Variants in ADGRL3 observed in about 807,000 individuals in gnomAD.
ADGRL3 encodes the protein adhesion G protein-coupled receptor L3, also known as calcium-independent alpha-latrotoxin receptor 3.
ADGRL3 carries 62 observed loss-of-function variants against 153.5 expected under a neutral mutation model. The observed-to-expected ratio is 0.40, with a 90% CI of 0.33 to 0.50. ADGRL3 has a LOEUF of 0.50. ADGRL3 is among the 20% of genes least tolerant of loss of function. ADGRL3 has a pLI of 0.47. For missense variants in ADGRL3, 1,641 were observed against 1,859.4 expected (o/e 0.88, Z 2.16); for synonymous variants, 710 against 672.5 (o/e 1.06, Z -0.86).
In ADGRL3 at chr4:62,074,003, T is replaced by G. The variant is rs1326102350; in HGVS notation, c.*3095T>G. 2 of 152,176 alleles carry G rather than the reference T, an allele frequency of 1.3e-5. No homozygotes were observed. Among genetic ancestry groups the G allele is most frequent in the African/African-American group, 4.8e-5 (2 of 41,460 alleles). 9.4% of individuals were successfully genotyped at this position (152,176 alleles called of 1,614,324 possible). On this transcript the variant is annotated 3_prime_UTR_variant, in exon 27 of 27. Transcript: ENST00000683033. ...CATATTCATTTTGTCCTGTTTACAC[T>G]AGCAAGGGTTGAATTCCTGAACTTG...
At position 61,984,602 on chromosome 4, in the gene ADGRL3, A is replaced by G. The variant is rs2099079298; in HGVS notation, c.3236+999A>G. On this transcript the variant is annotated intron_variant, in intron 19 of 26. Transcript: ENST00000683033. ...AACAAAACTAAAACAAAAAACCACC[A>G]TCAGTGGTGTTTTATGTCAAAATTA... Among the ~76,000 whole-genome samples, 4 of 152,286 alleles carry G rather than the reference A, an allele frequency of 2.6e-5. No individual in the cohort carries two copies. In the Middle Eastern group the frequency reaches 0.014, roughly 518 times the overall value.
intron 4 of ADGRL3, among the ~76,000 whole-genome samples, chr4:61,562,821 G>A (rs1243100140): frequency 6.6e-6 from 1 of 151,450 alleles, no homozygotes; most frequent in African/African-American, 2.4e-5. Flanking sequence ...AATCATGAAT[G>A]TTCTTAATGG....
chr4:61,762,327 A>T (rs1580698245), intron 8 of ADGRL3, among the ~76,000 whole-genome samples: 1 of 152,284 alleles, frequency 6.6e-6, no homozygotes, highest in East Asian at 1.9e-4. Context: ...TTTTTATTTG[A>T]CAATGCTTCT....
At chr4:61,936,075 G>A (rs762764786) in intron 15 of ADGRL3, 30 bp downstream of exon 15, 1 of 1,606,186 alleles carries the variant, frequency 6.2e-7, no homozygotes, top group South Asian at 1.1e-5. Flanking sequence ...TTAAGCTTGA[G>A]GGAATTGAAC....
In ADGRL3 at chr4:61,280,107, C is replaced by CTTTTTTTT. The variant is rs771732117; in HGVS notation, c.-240+78347_-240+78348insTTTTTTTT. 1.3e-3 allele frequency among the ~76,000 whole-genome samples: 122 copies of CTTTTTTTT among 94,592 alleles called. 10 individuals are homozygous for CTTTTTTTT. Among genetic ancestry groups the CTTTTTTTT allele is most frequent in the Non-Finnish European group, 1.6e-3 (78 of 49,250 alleles). 62.1% of individuals were successfully genotyped at this position (94,592 alleles called of 152,430 possible). A position where few individuals can be genotyped will look rare whatever the true frequency, so the allele number is the denominator to read the frequency against. On this transcript the variant is annotated intron_variant, in intron 1 of 26. Transcript: ENST00000683033. ...AAAGTATTTTCTTTTCTTTTCTTTT[C>CTTTTTTTT]TTTTTCTTTTTTTTTTTTTTGAGAC...
intron 1 of ADGRL3, among the ~76,000 whole-genome samples, chr4:61,363,285 T>C (rs556239267): frequency 6.6e-6 from 1 of 152,322 alleles, no homozygotes; most frequent in South Asian, 2.1e-4. Context: ...AATTTTCAGT[T>C]GTAATTACAG....
At chr4:61,896,530 C>T (rs2098632505) in intron 11 of ADGRL3, among the ~76,000 whole-genome samples, 1 of 152,106 alleles carries the variant, frequency 6.6e-6, no homozygotes, top group African/African-American at 2.4e-5. Context: ...AGAAATATTA[C>T]AAATGATGGC....
intron 2 of ADGRL3, chr4:61,385,623 A>G (rs2096727023): frequency 6.6e-6 from 1 of 152,148 alleles, no homozygotes; most frequent in African/African-American, 2.4e-5. Context: ...AATGTGCACA[A>G]TAGTATCTGC....
chr4:61,917,077 G>A lies in ADGRL3; in HGVS notation c.2112+4320G>A, dbSNP rs1051364997. Among the ~76,000 whole-genome samples the A allele has an allele frequency of 3.9e-5, 6 of 152,164 alleles. No individual in the cohort carries two copies. In the East Asian group the frequency reaches 9.6e-4, roughly 24 times the overall value. On this transcript the variant is annotated intron_variant, in intron 13 of 26. Coordinates refer to ENST00000683033, the MANE Select transcript of ADGRL3 (RefSeq NM_001387552.1). ...AAACACCGTATGATATAATTATTGC[G>A]ATTTTTAACTTAACAGATGAAAAAA...
chr4:61,608,765 G>A (rs2149647434), intron 5 of ADGRL3, among the ~76,000 whole-genome samples: 1 of 152,182 alleles, frequency 6.6e-6, no homozygotes, highest in East Asian at 1.9e-4. Flanking sequence ...ACTATTAATT[G>A]ACAATAGTCT....
At chr4:61,726,210 G>GTTTTTTCTTTTTTTTTTTTTTTT (rs149472429) in intron 6 of ADGRL3, among the ~76,000 whole-genome samples, 1 of 118,480 alleles carries the variant, frequency 8.4e-6, no homozygotes. Flanking sequence ...TTTTTTTTTT[G>GTTTTTTCTTTTTTTTTTTTTTTT]TTTTTTGAGA....
chr4:61,236,674 G>T (rs772849471), intron 1 of ADGRL3, among the ~76,000 whole-genome samples: 1 of 152,150 alleles, frequency 6.6e-6, no homozygotes, highest in Non-Finnish European at 1.5e-5. Flanking sequence ...GTAGAGGTCA[G>T]TGTAAGATAT....
chr4:62,016,913 G>T (rs2151323617), intron 21 of ADGRL3, among the ~76,000 whole-genome samples: 1 of 151,750 alleles, frequency 6.6e-6, no homozygotes, highest in East Asian at 1.9e-4. Flanking sequence ...TTCTTTGCTG[G>T]GTTAATTTGT....
intron 1 of ADGRL3, among the ~76,000 whole-genome samples, chr4:61,306,187 C>T (rs2094778841): frequency 6.6e-6 from 1 of 151,810 alleles, no homozygotes; most frequent in Non-Finnish European, 1.5e-5. Context: ...AAGCTCTGCC[C>T]CCTGGGTTCA....
chr4:61,635,157 A>C (rs2093360465), intron 5 of ADGRL3, among the ~76,000 whole-genome samples: 1 of 152,184 alleles, frequency 6.6e-6, no homozygotes, highest in South Asian at 2.1e-4. Context: ...AGGAAAATTG[A>C]GATCCCCCTT....
intron 8 of ADGRL3, among the ~76,000 whole-genome samples, chr4:61,777,391 T>G (rs763539683): frequency 2.0e-5 from 3 of 152,192 alleles, no homozygotes; most frequent in Non-Finnish European, 4.4e-5. Flanking sequence ...ACTATATACC[T>G]TTTTATTTTA....
At chr4:61,506,171 G>A (rs2098426825) in intron 3 of ADGRL3, among the ~76,000 whole-genome samples, 1 of 151,886 alleles carries the variant, frequency 6.6e-6, no homozygotes, top group African/African-American at 2.4e-5. Context: ...TGAGTAATTA[G>A]GCCTACTTTG....
At chr4:61,766,512 T>C (rs2096982790) in intron 8 of ADGRL3, among the ~76,000 whole-genome samples, 1 of 152,004 alleles carries the variant, frequency 6.6e-6, no homozygotes, top group Non-Finnish European at 1.5e-5. Context: ...GGAAAGGAGT[T>C]GTTGTTTTGT....
intron 4 of ADGRL3, among the ~76,000 whole-genome samples, chr4:61,549,748 T>C (rs2098731805): frequency 6.6e-6 from 1 of 152,038 alleles, no homozygotes; most frequent in Non-Finnish European, 1.5e-5. Context: ...CCTTGAACAA[T>C]ATCTTGCATT....
Sources: gnomAD v4.1 joint callset for allele counts (sites outside exome capture counted in the v4.1 genomes callset) on GRCh38, gnomAD v4.1.1 for gene constraint, MANE v1.5 for transcripts, NCBI Gene and HGNC (gene_info 2026-07-23, HGNC 2026-07-21) for gene names.